Variants in CACNA2D3 observed in about 807,000 individuals in gnomAD.
CACNA2D3 encodes the protein voltage-dependent calcium channel subunit alpha-2/delta-3.
A neutral mutation model predicts 160.6 loss-of-function variants in CACNA2D3; 60 were observed. The ratio of observed to expected loss-of-function variants is 0.37; its 90% CI spans 0.30 to 0.46. The LOEUF (loss-of-function observed/expected upper bound fraction) is 0.46, where lower values mean the gene tolerates loss of function less well. Among genes scored for constraint, CACNA2D3 ranks in the 20% least tolerant of loss-of-function variants. The pLI, the probability that CACNA2D3 is intolerant of heterozygous loss-of-function variation, is 1.00. For synonymous variants in CACNA2D3, 558 were observed against 492.9 expected (o/e 1.13, Z -1.75); for missense variants, 1,205 against 1,365.0 (o/e 0.88, Z 1.85).
rs2049100 is a variant in CACNA2D3, at chr3:54,592,605, C to T, written c.963+10728C>T. ...TTAAAATGAACCTCCTGTGGTCTGTCTTGGGGGAGTGTAGGGGAAGAGAGT... is the reference window on the plus strand; with the variant it reads ...TTAAAATGAACCTCCTGTGGTCTGTTTTGGGGGAGTGTAGGGGAAGAGAGT... On this transcript the variant is annotated intron_variant, in intron 9 of 37. Transcript: ENST00000474759. 8.8e-3 allele frequency among the ~76,000 whole-genome samples: 1,336 copies of T among 152,158 alleles called. 30 individuals carry two copies. The highest frequency in any genetic ancestry group is 0.03 in the African/African-American group (1,240 of 41,520).
In CACNA2D3 at chr3:54,873,395, T is replaced by G. The variant is rs538852807; in HGVS notation, c.1710+1773T>G. ...TCACTTTATCTGTTGATTTATTTTT[T>G]TTGTTGTTTGCTTGTTTGTGACCTC... is the stretch of plus-strand genomic sequence containing the variant. On this transcript the variant is annotated intron_variant, in intron 18 of 37. Coordinates refer to ENST00000474759, the MANE Select transcript of CACNA2D3 (RefSeq NM_018398.3). 2.7e-5 allele frequency among the ~76,000 whole-genome samples: 4 copies of G among 150,394 alleles called. 1 individual carries two copies. The South Asian group carries it at 8.6e-4, about 32-fold the overall frequency.
chr3:54,776,922 A>C (rs540107707), intron 13 of CACNA2D3, among the ~76,000 whole-genome samples: 1 of 152,244 alleles, frequency 6.6e-6, no homozygotes, highest in South Asian at 2.1e-4. Flanking sequence ...CCAAATCTGT[A>C]CTGCTTTTCC....
At chr3:54,400,293 G>A (rs1242852566) in intron 4 of CACNA2D3, among the ~76,000 whole-genome samples, 1 of 151,796 alleles carries the variant, frequency 6.6e-6, no homozygotes, top group African/African-American at 2.4e-5. Flanking sequence ...GTAGACCGGA[G>A]CTGTTCCTAT....
intron 11 of CACNA2D3, among the ~76,000 whole-genome samples, chr3:54,646,168 CTCCCTCCCTCCCTCCCTCCTTCCTTGCT>C (rs1559537890): frequency 2.1e-4 from 5 of 23,994 alleles, no homozygotes; most frequent in Admixed American, 1.0e-3. Flanking sequence ...CCCTCCCTCC[CTCCCTCCCTCCCTCCCTCCTTCCTTGCT>C]TCCTTCCTTC....
At chr3:54,847,156 C>T (rs1698951266) in intron 17 of CACNA2D3, among the ~76,000 whole-genome samples, 1 of 152,242 alleles carries the variant, frequency 6.6e-6, no homozygotes, top group Admixed American at 6.5e-5. Flanking sequence ...GGCAAGGCTG[C>T]CCTTGGGGCA....
intron 31 of CACNA2D3, 150 bp downstream of exon 31, chr3:54,987,903 G>T: frequency 1.7e-6 from 1 of 586,834 alleles, no homozygotes; most frequent in Non-Finnish European, 3.0e-6. Flanking sequence ...GAAATTCGAT[G>T]CCTCTTGCAC....
intron 10 of CACNA2D3, among the ~76,000 whole-genome samples, chr3:54,637,302 A>G (rs973541262): frequency 6.6e-6 from 1 of 151,824 alleles, no homozygotes; most frequent in Non-Finnish European, 1.5e-5. Flanking sequence ...TCGGTCACCA[A>G]GGAGGGAGTA....
chr3:54,760,373 AAGAAGGCC>A (rs1702060479), intron 12 of CACNA2D3, among the ~76,000 whole-genome samples: 2 of 152,086 alleles, frequency 1.3e-5, no homozygotes, highest in African/African-American at 4.8e-5. Flanking sequence ...GAGGCGGGGA[AAGAAGGCC>A]AGCAAGCCTG....
At chr3:54,811,624 A>G (rs1174516523) in intron 13 of CACNA2D3, among the ~76,000 whole-genome samples, 1 of 151,238 alleles carries the variant, frequency 6.6e-6, no homozygotes, top group African/African-American at 2.4e-5. Context: ...CAGCCTCCCA[A>G]GTAGCTGGGA....
At chr3:55,068,426 A>G (rs1704718664) in intron 35 of CACNA2D3, among the ~76,000 whole-genome samples, 1 of 152,136 alleles carries the variant, frequency 6.6e-6, no homozygotes, top group Non-Finnish European at 1.5e-5. Flanking sequence ...ATTTCTGTTC[A>G]ACTTGCATAC....
At chr3:54,137,403 C>T (rs536540267) in intron 2 of CACNA2D3, among the ~76,000 whole-genome samples, 106 of 152,320 alleles carry the variant, frequency 7.0e-4, no homozygotes, top group Non-Finnish European at 1.1e-3. Context: ...AAATAGGTTA[C>T]CGGGACCTGT....
intron 4 of CACNA2D3, among the ~76,000 whole-genome samples, chr3:54,433,651 C>T (rs921342127): frequency 5.3e-5 from 8 of 152,136 alleles, no homozygotes; most frequent in African/African-American, 1.7e-4. Context: ...AGAAGACAGA[C>T]GGCCTGCGGA....
intron 17 of CACNA2D3, among the ~76,000 whole-genome samples, chr3:54,852,230 C>G: frequency 6.6e-6 from 1 of 152,192 alleles, no homozygotes; most frequent in East Asian, 1.9e-4. Flanking sequence ...ACTTGATTGC[C>G]AGGGCAGATG....
chr3:54,396,044 T>TG (rs1441604263), intron 4 of CACNA2D3, among the ~76,000 whole-genome samples: 2 of 57,932 alleles, frequency 3.5e-5, no homozygotes, highest in South Asian at 8.8e-4. Context: ...CCTTGTAAGT[T>TG]GGATTCCTAG....
intron 35 of CACNA2D3, among the ~76,000 whole-genome samples, chr3:55,054,468 A>C (rs1559475105): frequency 6.6e-6 from 1 of 151,606 alleles, no homozygotes; most frequent in Non-Finnish European, 1.5e-5. Context: ...AAAATATTTT[A>C]TTCTTTCTGT....
chr3:54,320,634 ATC>A (rs1703966014), intron 3 of CACNA2D3, 76 bp downstream of exon 3: 3 of 663,130 alleles, frequency 4.5e-6, no homozygotes, highest in South Asian at 4.6e-5. Context: ...TGATGAACCA[ATC>A]TCTCAAAGAT....
chr3:54,969,544 G>C (rs1702226655), intron 28 of CACNA2D3, among the ~76,000 whole-genome samples: 1 of 152,110 alleles, frequency 6.6e-6, no homozygotes, highest in Non-Finnish European at 1.5e-5. Context: ...ACAGGTGTGA[G>C]CCACTGTGCC....
At chr3:54,335,092 G>A (rs1704344179) in intron 3 of CACNA2D3, among the ~76,000 whole-genome samples, 1 of 152,066 alleles carries the variant, frequency 6.6e-6, no homozygotes, top group Admixed American at 6.5e-5. Flanking sequence ...TATTATTCTT[G>A]GTCTAATTAT....
chr3:55,023,643 C>A (rs1057318208), intron 35 of CACNA2D3, among the ~76,000 whole-genome samples: 3 of 151,900 alleles, frequency 2.0e-5, no homozygotes, highest in Admixed American at 1.3e-4. Context: ...AATATTATTT[C>A]TCTGGGAACA....
Sources: allele counts gnomAD v4.1 joint callset (sites outside exome capture counted in the v4.1 genomes callset), GRCh38; gene constraint gnomAD v4.1.1; transcripts MANE v1.5; gene names NCBI Gene and HGNC (gene_info 2026-07-23, HGNC 2026-07-21).